Variants in RPGRIP1L observed in about 807,000 individuals in gnomAD.
RPGRIP1L encodes RPGRIP1 like, also known as protein fantom.
A neutral mutation model predicts 160.4 loss-of-function variants in RPGRIP1L; 131 were observed. The ratio of observed to expected loss-of-function variants is 0.82; its 90% CI spans 0.71 to 0.94. RPGRIP1L has a LOEUF of 0.94. Ranked by LOEUF, RPGRIP1L falls within the 40% of genes least tolerant of loss-of-function variation. The pLI, the probability that RPGRIP1L is intolerant of heterozygous loss-of-function variation, is 0.00. For synonymous variants in RPGRIP1L, 510 were observed against 515.8 expected (o/e 0.99, Z 0.15); for missense variants, 1,522 against 1,535.8 (o/e 0.99, Z 0.15).
intron 6 of RPGRIP1L, among the ~76,000 whole-genome samples, chr16:53,680,899 C>T (rs536673449): frequency 2.6e-5 from 4 of 152,140 alleles, no homozygotes; most frequent in East Asian, 1.9e-4. Context: ...AGAAAACAGG[C>T]TGAGTGAAAG....
At chr16:53,633,500 T>G (rs1032817734) in intron 22 of RPGRIP1L, among the ~76,000 whole-genome samples, 2 of 152,156 alleles carry the variant, frequency 1.3e-5, no homozygotes, top group Admixed American at 6.6e-5. Context: ...TAAAGAGGCA[T>G]GAAAACGAAA....
chr16:53,675,192 G>T, intron 6 of RPGRIP1L, 70 bp from the exon 7 acceptor site: 2 of 972,208 alleles, frequency 2.1e-6, no homozygotes, highest in Non-Finnish European at 3.2e-6. Context: ...ATCTATGGTG[G>T]AATCACAATT....
intron 8 of RPGRIP1L, 90 bp downstream of exon 8, chr16:53,672,780 T>C: frequency 8.5e-7 from 1 of 1,171,134 alleles, no homozygotes; most frequent in Non-Finnish European, 1.3e-6. Context: ...TTTAAATAAG[T>C]ACAATTTTGA....
chr16:53,664,111 TAAC>T (rs1240529911), intron 10 of RPGRIP1L, among the ~76,000 whole-genome samples: 1 of 152,184 alleles, frequency 6.6e-6, no homozygotes, highest in African/African-American at 2.4e-5. Flanking sequence ...CAAACAGATA[TAAC>T]AACACTTAAA....
intron 10 of RPGRIP1L, 196 bp from the exon 11 acceptor site, chr16:53,659,074 T>C: frequency 3.3e-6 from 2 of 612,068 alleles, no homozygotes; most frequent in Non-Finnish European, 5.4e-6. Context: ...GTCTACCATA[T>C]GATTCACTTG....
Position 53,605,627 on chromosome 16 carries a change from A to C in RPGRIP1L, c.3702-13T>G. The C allele has an allele frequency of 6.2e-7, 1 of 1,613,762 alleles. No homozygotes were observed. The highest frequency in any genetic ancestry group is 8.5e-7 in the Non-Finnish European group (1 of 1,179,996). On this transcript the variant is annotated splice_polypyrimidine_tract_variant and intron_variant, in intron 25 of 26. Transcript: ENST00000647211. The stretch of plus-strand genomic sequence containing the variant: ...GGTGAAGCGAAGGCTGGTAAGGCAG[A>C]GATCAGAGAAAGTCACCACCAAGTG...
intron 7 of RPGRIP1L, among the ~76,000 whole-genome samples, chr16:53,674,749 A>C (rs999873727): frequency 2.0e-5 from 3 of 152,164 alleles, no homozygotes; most frequent in Non-Finnish European, 2.9e-5. Flanking sequence ...CCTTGGTAGA[A>C]GATAATTTAT....
At chr16:53,614,670 T>TA (rs1029833882) in intron 24 of RPGRIP1L, among the ~76,000 whole-genome samples, 2 of 152,130 alleles carry the variant, frequency 1.3e-5, no homozygotes, top group Non-Finnish European at 2.9e-5. Context: ...CCTAGATGGT[T>TA]AAAAAAACTC....
chr16:53,611,404 C>A (rs529255101), intron 24 of RPGRIP1L, among the ~76,000 whole-genome samples: 3 of 152,294 alleles, frequency 2.0e-5, no homozygotes, highest in African/African-American at 7.2e-5. Flanking sequence ...TTTCTTTCAC[C>A]CAAGAAGCAA....
Position 53,641,194 on chromosome 16 carries a change from A to ATT in RPGRIP1L, c.2875-80_2875-79dup. 5 of 1,442,596 alleles carry ATT rather than the reference A, an allele frequency of 3.5e-6. No individual in the cohort carries two copies. The South Asian group carries it at 3.6e-5, about 10-fold the overall frequency. 89.4% of individuals were successfully genotyped at this position (1,442,596 alleles called of 1,614,324 possible). The stretch of plus-strand genomic sequence containing the variant: ...AGATAAGACTTTAGCTATTATTATT[A>ATT]TTTTTTTTTGGTGGGGGTGGCAGCT... On this transcript the variant is annotated intron_variant, in intron 18 of 26. Transcript: ENST00000647211.
rs966574817 is a variant in RPGRIP1L, at chr16:53,653,119, T to C, written c.1700-132A>G. On this transcript the variant is annotated intron_variant, in intron 14 of 26. Coordinates refer to ENST00000647211, the MANE Select transcript of RPGRIP1L (RefSeq NM_015272.5). ...TTTAAATTCTATGACTACACTGTTT[T>C]TCTGTAAATAATACTTTATCGTACA... 4.8e-5 allele frequency: 43 copies of C among 887,988 alleles called. No individual in the cohort carries two copies. The African/African-American group carries it at 6.9e-4, about 14-fold the overall frequency. The allele number at this position is 887,988 out of a possible 1,614,324, so 55.0% of individuals were successfully genotyped here.
At chr16:53,698,804 G>C (rs1230459023) in intron 2 of RPGRIP1L, among the ~76,000 whole-genome samples, 1 of 139,740 alleles carries the variant, frequency 7.2e-6, no homozygotes, top group Non-Finnish European at 1.6e-5. Flanking sequence ...CGCCTCGTCC[G>C]GGAGGTGAGG....
At chr16:53,630,410 A>G (rs369517223) in intron 22 of RPGRIP1L, among the ~76,000 whole-genome samples, 1 of 152,182 alleles carries the variant, frequency 6.6e-6, no homozygotes, top group Non-Finnish European at 1.5e-5. Context: ...TTAGTTTGGC[A>G]AAGAGTGTAA....
chr16:53,685,645 C>A (rs1969948104), intron 6 of RPGRIP1L, among the ~76,000 whole-genome samples: 1 of 148,338 alleles, frequency 6.7e-6, no homozygotes, highest in South Asian at 2.2e-4. Flanking sequence ...TAAGTGAGAG[C>A]TAAATGATAA....
At chr16:53,685,190 G>A (rs1567878267) in intron 6 of RPGRIP1L, among the ~76,000 whole-genome samples, 1 of 152,042 alleles carries the variant, frequency 6.6e-6, no homozygotes, top group Non-Finnish European at 1.5e-5. Flanking sequence ...AGTGAGACTG[G>A]CGAGTCAAAA....
At chr16:53,647,019 A>T (rs1966599183) in intron 16 of RPGRIP1L, among the ~76,000 whole-genome samples, 1 of 152,310 alleles carries the variant, frequency 6.6e-6, no homozygotes, top group South Asian at 2.1e-4. Flanking sequence ...TCTACACACC[A>T]GAGCTGAAAT....
chr16:53,660,884 C>G (rs1282778474), intron 10 of RPGRIP1L, among the ~76,000 whole-genome samples: 1 of 139,156 alleles, frequency 7.2e-6, no homozygotes, highest in African/African-American at 2.7e-5. Flanking sequence ...TAGAGTGAGA[C>G]TACATCTAAA....
intron 3 of RPGRIP1L, chr16:53,695,836 AAAACAGATGCTTTGGCCATTTGCTTATT>A (rs1466980825): frequency 6.6e-5 from 21 of 319,978 alleles, no homozygotes; most frequent in Non-Finnish European, 1.0e-4. Flanking sequence ...AGACATTTAA[AAAACAGATGCTTTGGCCATTTGCTTATT>A]AAACTATAAA....
At chr16:53,651,982 T>C (rs575527306) in intron 15 of RPGRIP1L, among the ~76,000 whole-genome samples, 17 of 152,054 alleles carry the variant, frequency 1.1e-4, no homozygotes, top group Non-Finnish European at 1.9e-4. Context: ...TATAAATAAA[T>C]TACATAATTT....
Sources: allele counts gnomAD v4.1 joint callset (sites outside exome capture counted in the v4.1 genomes callset), GRCh38; gene constraint gnomAD v4.1.1; transcripts MANE v1.5; gene names NCBI Gene and HGNC (gene_info 2026-07-23, HGNC 2026-07-21).